Variants in WDR49 observed in about 807,000 individuals in gnomAD.
WDR49 encodes the protein WD repeat domain 49, also known as cilia- and flagella-associated protein 337.
Under a neutral mutation model 119.5 loss-of-function variants are expected in WDR49, and 107 were observed. The observed-to-expected ratio is 0.90, with a 90% CI of 0.77 to 1.05. WDR49 has a LOEUF of 1.05. WDR49 is among the 50% of genes least tolerant of loss of function. WDR49 has a pLI of 0.00. For synonymous variants in WDR49, 425 were observed against 418.8 expected (o/e 1.01, Z -0.18); for missense variants, 1,240 against 1,220.5 (o/e 1.02, Z -0.24).
chr3:167,503,513 G>A (rs1751654325), intron 17 of WDR49, among the ~76,000 whole-genome samples: 1 of 152,198 alleles, frequency 6.6e-6, no homozygotes, highest in Non-Finnish European at 1.5e-5. Flanking sequence ...AGAAGCCGTG[G>A]GTCATGGAAG....
At chr3:167,570,205 G>C (rs774544443) in intron 8 of WDR49, among the ~76,000 whole-genome samples, 56 of 152,154 alleles carry the variant, frequency 3.7e-4, no homozygotes, top group Non-Finnish European at 6.5e-4. Flanking sequence ...GTGTAAATCT[G>C]GTTCTGTTCA....
intron 8 of WDR49, chr3:167,566,937 G>C (rs1261532578): frequency 1.6e-6 from 1 of 637,276 alleles, no homozygotes; most frequent in South Asian, 1.8e-5. Flanking sequence ...CTGTCTCGGG[G>C]TGACAGAGAC....
chr3:167,524,420 T>C (rs1752562345), intron 15 of WDR49, among the ~76,000 whole-genome samples: 1 of 152,020 alleles, frequency 6.6e-6, no homozygotes, highest in Non-Finnish European at 1.5e-5. Context: ...TTAGATTGCA[T>C]TTGTCAACTT....
intron 16 of WDR49, among the ~76,000 whole-genome samples, chr3:167,511,178 A>T (rs1217245288): frequency 6.6e-6 from 1 of 152,172 alleles, no homozygotes; most frequent in East Asian, 1.9e-4. Context: ...GATGTACATG[A>T]TAATCAATTC....
chr3:167,617,606 T>A (rs1553872961), intron 5 of WDR49, among the ~76,000 whole-genome samples: 1 of 152,122 alleles, frequency 6.6e-6, no homozygotes, highest in Non-Finnish European at 1.5e-5. Context: ...ATCTGGGGTA[T>A]CTCAGAATGA....
intron 16 of WDR49, among the ~76,000 whole-genome samples, chr3:167,520,857 C>T (rs1469250585): frequency 3.3e-5 from 5 of 151,958 alleles, no homozygotes; most frequent in East Asian, 3.9e-4. Flanking sequence ...ACAAAGGATG[C>T]GGAAACTATA....
intron 16 of WDR49, among the ~76,000 whole-genome samples, chr3:167,513,234 A>G (rs912985789): frequency 1.1e-4 from 17 of 152,218 alleles, no homozygotes; most frequent in African/African-American, 3.9e-4. Context: ...AGGGAAGCCC[A>G]TCAGACTGAC....
chr3:167,610,597 A>G (rs921125983), intron 5 of WDR49, among the ~76,000 whole-genome samples: 3 of 152,226 alleles, frequency 2.0e-5, no homozygotes, highest in Non-Finnish European at 2.9e-5. Flanking sequence ...GGACCCACCC[A>G]GGGGCTGGGG....
intron 18 of WDR49, among the ~76,000 whole-genome samples, chr3:167,492,268 G>A (rs551498924): frequency 1.3e-5 from 2 of 151,922 alleles, no homozygotes; most frequent in Admixed American, 1.3e-4. Context: ...TAAAATGACT[G>A]GTTTTAGAAA....
rs199745929 is a variant in WDR49 at position 167,602,118 on chromosome 3, G to T, written c.1275+9C>A. The T allele has an allele frequency of 6.3e-7, 1 of 1,579,586 alleles. No individual in the cohort carries two copies. Among genetic ancestry groups the T allele is most frequent in the Non-Finnish European group, 8.7e-7 (1 of 1,155,198 alleles). On this transcript the variant is annotated intron_variant, in intron 7 of 18. Transcript: ENST00000682715. Reference sequence around the variant, plus strand: ...AAACTAAATTAATTAAAAGCACAATGTTACTTACTTTATCCTTGGAGAAGC... The same window carrying T: ...AAACTAAATTAATTAAAAGCACAATTTTACTTACTTTATCCTTGGAGAAGC...
At chr3:167,639,976 G>A (rs1278748855) in intron 2 of WDR49, among the ~76,000 whole-genome samples, 1 of 151,704 alleles carries the variant, frequency 6.6e-6, no homozygotes, top group Non-Finnish European at 1.5e-5. Flanking sequence ...ATCCTTCCAT[G>A]TTTTCTTGCT....
chr3:167,602,007 A>C, intron 7 of WDR49, 120 bp downstream of exon 7: 3 of 1,224,968 alleles, frequency 2.4e-6, no homozygotes, highest in Non-Finnish European at 3.3e-6. Context: ...AAACATAAGT[A>C]GCTAGCCAGT....
At chr3:167,529,330 A>C in intron 13 of WDR49, 91 bp from the exon 14 acceptor site, 1 of 1,236,170 alleles carries the variant, frequency 8.1e-7, no homozygotes, top group Non-Finnish European at 1.1e-6. Flanking sequence ...AAAGCATGTG[A>C]TGTTGAAGAG....
At chr3:167,647,764 C>A (rs2108346274) in intron 2 of WDR49, among the ~76,000 whole-genome samples, 1 of 152,268 alleles carries the variant, frequency 6.6e-6, no homozygotes, top group South Asian at 2.1e-4. Flanking sequence ...GACTAAGCTT[C>A]ACCTGTTTAC....
intron 8 of WDR49, among the ~76,000 whole-genome samples, chr3:167,570,964 G>T (rs1451016863): frequency 6.6e-6 from 1 of 151,494 alleles, no homozygotes; most frequent in Non-Finnish European, 1.5e-5. Flanking sequence ...GGCGGAGGTT[G>T]CGGTGAGCCG....
chr3:167,543,544 T>C (rs1433500719), intron 10 of WDR49, among the ~76,000 whole-genome samples: 1 of 152,122 alleles, frequency 6.6e-6, no homozygotes, highest in African/African-American at 2.4e-5. Flanking sequence ...AAATATCATA[T>C]GATTATCTCA....
At position 167,480,131 on chromosome 3, in the gene WDR49, G is replaced by A. The variant is rs575558996; in HGVS notation, c.3032-1135C>T. Among the ~76,000 whole-genome samples the A allele has an allele frequency of 1.5e-3, 225 of 150,902 alleles. 1 individual carries two copies. Among genetic ancestry groups the A allele is most frequent in the African/African-American group, 5.0e-3 (204 of 41,106 alleles). The stretch of plus-strand genomic sequence containing the variant: ...GCCTGTAATCTCAGCTACTCGGGAG[G>A]CCAGCTACTCGGGAGGCTGAGGTAG... On this transcript the variant is annotated intron_variant, in intron 18 of 18. Coordinates refer to ENST00000682715, the MANE Select transcript of WDR49 (RefSeq NM_001366157.1).
intron 18 of WDR49, among the ~76,000 whole-genome samples, chr3:167,494,816 T>A (rs1751287015): frequency 6.6e-6 from 1 of 152,096 alleles, no homozygotes; most frequent in African/African-American, 2.4e-5. Flanking sequence ...TGGGAGACTG[T>A]GGATTGGACT....
chr3:167,551,192 G>T (rs1712540966), intron 10 of WDR49, among the ~76,000 whole-genome samples: 1 of 151,854 alleles, frequency 6.6e-6, no homozygotes, highest in Non-Finnish European at 1.5e-5. Context: ...ACCATATTCT[G>T]CCTTTTATGT....
Sources: gnomAD v4.1 joint callset for allele counts (sites outside exome capture counted in the v4.1 genomes callset) on GRCh38, gnomAD v4.1.1 for gene constraint, MANE v1.5 for transcripts, NCBI Gene and HGNC (gene_info 2026-07-23, HGNC 2026-07-21) for gene names.